The following SLC22A24 variants were observed in gnomAD, a reference collection of about 807,000 sequenced individuals.
SLC22A24 encodes solute carrier family 22 member 24.
In SLC22A24, 53 loss-of-function variants were observed where a neutral mutation model predicts 49.8. The ratio of observed to expected loss-of-function variants is 1.06; its 90% CI spans 0.85 to 1.34. The LOEUF (loss-of-function observed/expected upper bound fraction) is 1.34. SLC22A24 is among the 40% of genes most tolerant of loss of function. SLC22A24 has a pLI of 0.00. For missense variants in SLC22A24, 786 were observed against 675.9 expected (o/e 1.16, Z -1.81); for synonymous variants, 302 against 256.4 (o/e 1.18, Z -1.70).
chr11:63,121,292 A>G (rs2087249834), intron 2 of SLC22A24, among the ~76,000 whole-genome samples: 1 of 152,178 alleles, frequency 6.6e-6, no homozygotes, highest in African/African-American at 2.4e-5. Flanking sequence ...AAATTGCTAT[A>G]AAAATTAAAG....
intron 5 of SLC22A24, among the ~76,000 whole-genome samples, chr11:63,102,637 C>A (rs1590734790): frequency 6.6e-6 from 1 of 152,124 alleles, no homozygotes; most frequent in African/African-American, 2.4e-5. Context: ...TGTAACCCCA[C>A]AAATCTTGCT....
In SLC22A24 at chr11:63,096,051, A is replaced by T. The variant is rs2134644996; in HGVS notation, c.1010T>A (p.Ile337Asn). ...ELDAVRIKTS[I>N]FSLFRAPKLR... ...TTTGGGTGCACGGAACAGGGAAAAAATGGATGTTTTAATTCGGACTGCATC... is the reference window on the plus strand; with the variant it reads ...TTTGGGTGCACGGAACAGGGAAAAATTGGATGTTTTAATTCGGACTGCATC... The change falls in exon 6 of 10, where the codon ATT (isoleucine) becomes AAT (asparagine). Residue 337 changes from isoleucine (I) to asparagine (N), a missense_variant. Physicochemically the swap from Ile to Asn is moderately radical, Grantham distance 149 (BLOSUM62 -3). Coordinates refer to ENST00000612278, the MANE Select transcript of SLC22A24 (RefSeq NM_001136506.2). 3.9e-6 allele frequency: 6 copies of T among 1,550,998 alleles called. No homozygotes were observed. Among genetic ancestry groups the T allele is most frequent in the Non-Finnish European group, 5.2e-6 (6 of 1,146,480 alleles).
intron 4 of SLC22A24, chr11:63,118,562 T>C (rs2087227819): frequency 4.0e-6 from 2 of 495,058 alleles, no homozygotes; most frequent in Non-Finnish European, 3.6e-6. Flanking sequence ...GTTTTCCTTA[T>C]ATTCAATCTC....
intron 2 of SLC22A24, among the ~76,000 whole-genome samples, chr11:63,128,411 C>G (rs1328956710): frequency 6.6e-6 from 1 of 152,056 alleles, no homozygotes; most frequent in African/African-American, 2.4e-5. Flanking sequence ...GAAAGGGATT[C>G]TCCCTTTCCC....
rs374008134 is a variant in SLC22A24 at position 63,119,460 on chromosome 11, C to T, written c.507-125G>A. The T allele has an allele frequency of 1.5e-3, 1,377 of 907,250 alleles. 25 individuals carry two copies. In the South Asian group the frequency reaches 0.024, roughly 16 times the overall value. The allele number at this position is 907,250 out of a possible 1,614,324, so 56.2% of individuals were successfully genotyped here. A position where few individuals can be genotyped will look rare whatever the true frequency, so the allele number is the denominator to read the frequency against. The stretch of plus-strand genomic sequence containing the variant: ...ACAAGTGGAACATGGTGCTTGACAC[C>T]GGGTGGCATAATTATATTAGTGAGC... On this transcript the variant is annotated intron_variant, in intron 2 of 9. Coordinates refer to ENST00000612278, the MANE Select transcript of SLC22A24 (RefSeq NM_001136506.2).
intron 4 of SLC22A24, among the ~76,000 whole-genome samples, chr11:63,108,786 T>G (rs2134655912): frequency 6.6e-6 from 1 of 151,216 alleles, no homozygotes; most frequent in African/African-American, 2.5e-5. Context: ...ATATCCCCTT[T>G]ATCATTTTTT....
chr11:63,137,334 G>T (rs1319788289), intron 1 of SLC22A24, among the ~76,000 whole-genome samples: 1 of 152,140 alleles, frequency 6.6e-6, no homozygotes, highest in Non-Finnish European at 1.5e-5. Context: ...ATCTTTGTGT[G>T]TGTTTGTATA....
At chr11:63,095,692 A>G (rs1284545723) in intron 6 of SLC22A24, among the ~76,000 whole-genome samples, 2 of 152,218 alleles carry the variant, frequency 1.3e-5, no homozygotes, top group Admixed American at 6.6e-5. Flanking sequence ...ATAAAAAATT[A>G]GAAAATCAAA....
At chr11:63,108,879 G>A (rs1179382459) in intron 4 of SLC22A24, among the ~76,000 whole-genome samples, 1 of 147,428 alleles carries the variant, frequency 6.8e-6, no homozygotes, top group Non-Finnish European at 1.5e-5. Context: ...AAGTTTTAGG[G>A]TACATGTGCA....
At chr11:63,112,796 G>A (rs1240007467) in intron 4 of SLC22A24, among the ~76,000 whole-genome samples, 5 of 151,512 alleles carry the variant, frequency 3.3e-5, no homozygotes, top group Admixed American at 6.6e-5. Flanking sequence ...GGTGGATCAC[G>A]AGGTCAGGAG....
intron 4 of SLC22A24, among the ~76,000 whole-genome samples, chr11:63,106,442 A>C (rs559942448): frequency 1.3e-5 from 2 of 152,320 alleles, no homozygotes; most frequent in African/African-American, 4.8e-5. Flanking sequence ...CTTTGGGTAC[A>C]TACCCAGTAA....
At chr11:63,092,755 G>A (rs946358843) in intron 6 of SLC22A24, among the ~76,000 whole-genome samples, 9 of 151,382 alleles carry the variant, frequency 5.9e-5, no homozygotes, top group Admixed American at 6.6e-5. Context: ...AGAAAAGCTA[G>A]GCAGTGCCAT....
chr11:63,101,406 T>A (rs2087089945), intron 5 of SLC22A24, among the ~76,000 whole-genome samples: 1 of 152,032 alleles, frequency 6.6e-6, no homozygotes, highest in Non-Finnish European at 1.5e-5. Context: ...AATGCTGCTA[T>A]TCAAAAATTG....
chr11:63,083,189 T>A (rs1289164045), intron 7 of SLC22A24, 54 bp downstream of exon 7: 3 of 1,414,496 alleles, frequency 2.1e-6, no homozygotes, highest in Middle Eastern at 2.3e-4. Context: ...ACCAATGTAA[T>A]CCCTGGAGAA....
At chr11:63,084,290 G>A (rs2086975367) in intron 6 of SLC22A24, among the ~76,000 whole-genome samples, 1 of 152,144 alleles carries the variant, frequency 6.6e-6, no homozygotes, top group Non-Finnish European at 1.5e-5. Flanking sequence ...TTGAGATAAA[G>A]GGGCTGGCAG....
rs1315250651 is a variant in SLC22A24 at position 63,134,721 on chromosome 11, G to A, written c.450C>T (p.Ser150=). Residue 150 remains serine, a synonymous_variant, in exon 2 of 10, where the codon TCC becomes TCT. Transcript: ENST00000612278. The part of the protein sequence containing the change: ...ESQSLKSMVQ[S]LFMAGSLLGG... Reference sequence around the variant, plus strand: ...CCAGAAGTGACCCAGCCATAAATAGGGATTGAACCATTGATTTTAGTGACT... The same window carrying A: ...CCAGAAGTGACCCAGCCATAAATAGAGATTGAACCATTGATTTTAGTGACT... 2 of 1,565,216 alleles carry A rather than the reference G, an allele frequency of 1.3e-6. No homozygotes were observed. Among genetic ancestry groups the A allele is most frequent in the Non-Finnish European group, 1.7e-6 (2 of 1,153,604 alleles).
chr11:63,131,215 T>C (rs1200150285), intron 2 of SLC22A24, among the ~76,000 whole-genome samples: 1 of 152,040 alleles, frequency 6.6e-6, no homozygotes, highest in South Asian at 2.1e-4. Flanking sequence ...CGATAAAGAG[T>C]CTTGACTCTT....
intron 2 of SLC22A24, among the ~76,000 whole-genome samples, chr11:63,132,813 T>C (rs184526213): frequency 1.3e-4 from 20 of 152,286 alleles, no homozygotes; most frequent in Non-Finnish European, 2.4e-4. Context: ...AATGCCATGC[T>C]GAGAGAACCA....
chr11:63,127,389 T>A (rs2087299254), intron 2 of SLC22A24, among the ~76,000 whole-genome samples: 3 of 152,182 alleles, frequency 2.0e-5, no homozygotes, highest in African/African-American at 7.2e-5. Flanking sequence ...TGGTGGACAT[T>A]TGGGTTGGTT....
Sources: allele counts gnomAD v4.1 joint callset (sites outside exome capture counted in the v4.1 genomes callset), GRCh38; gene constraint gnomAD v4.1.1; transcripts MANE v1.5; gene names NCBI Gene and HGNC (gene_info 2026-07-23, HGNC 2026-07-21).